The following PCDH15 variants were observed in gnomAD, a reference collection of about 807,000 sequenced individuals.
The protein encoded by PCDH15 is protocadherin-15.
In PCDH15, 129 loss-of-function variants were observed where a neutral mutation model predicts 178.5. That is an observed-to-expected ratio of 0.72 (90% confidence interval 0.63 to 0.84). The LOEUF (loss-of-function observed/expected upper bound fraction) is 0.84, where lower values mean the gene tolerates loss of function less well. PCDH15 is among the 40% of genes least tolerant of loss of function. The probability of loss-of-function intolerance (pLI) is 0.00; values close to 1 mark genes in which losing one functional copy is unlikely to be tolerated. For synonymous variants in PCDH15, 800 were observed against 732.0 expected (o/e 1.09, Z -1.50); for missense variants, 2,230 against 2,099.9 (o/e 1.06, Z -1.21).
At chr10:55,497,126 T>A (rs965159217) in intron 2 of PCDH15, among the ~76,000 whole-genome samples, 1 of 151,728 alleles carries the variant, frequency 6.6e-6, no homozygotes, top group African/African-American at 2.4e-5. Flanking sequence ...GAATACATCA[T>A]TTTACATGTA....
intron 37 of PCDH15, chr10:53,808,544 T>G (rs1433348533): frequency 2.1e-5 from 30 of 1,439,442 alleles, no homozygotes; most frequent in Non-Finnish European, 2.7e-5. Flanking sequence ...AACATATATA[T>G]TCACTTTTCT....
At chr10:54,340,622 A>T (rs1426020067) in intron 6 of PCDH15, among the ~76,000 whole-genome samples, 2 of 152,164 alleles carry the variant, frequency 1.3e-5, no homozygotes, top group African/African-American at 4.8e-5. Context: ...GCTTATTAAA[A>T]AGTTTTAGAG....
chr10:55,158,904 A>C (rs1224061383), intron 2 of PCDH15, among the ~76,000 whole-genome samples: 1 of 151,218 alleles, frequency 6.6e-6, no homozygotes, highest in African/African-American at 2.4e-5. Context: ...GAGAGAAAAA[A>C]CAAGAGCTCA....
In PCDH15 at chr10:54,600,146, C is replaced by T. The variant is rs558992537; in HGVS notation, c.91+64026G>A. ...GTGCCAGAGAAGAAGAAAGCTGAGT[C>T]CCTGGTAAAGGAGGAAGCCATGGAG... On this transcript the variant is annotated intron_variant, in intron 2 of 37. Transcript: ENST00000644397. 38 of 751,134 alleles carry T rather than the reference C, an allele frequency of 5.1e-5. No individual in the cohort carries two copies. In the African/African-American group the frequency reaches 6.0e-4, roughly 12 times the overall value. 46.5% of individuals were successfully genotyped at this position (751,134 alleles called of 1,614,324 possible). A position where few individuals can be genotyped will look rare whatever the true frequency, so the allele number is the denominator to read the frequency against.
At chr10:54,361,434 T>C (rs1454406750) in intron 5 of PCDH15, among the ~76,000 whole-genome samples, 1 of 152,070 alleles carries the variant, frequency 6.6e-6, no homozygotes, top group African/African-American at 2.4e-5. Flanking sequence ...GTCATCATCG[T>C]TCCTACCATT....
At chr10:54,120,658 TTAAAC>T (rs1224994213) in intron 15 of PCDH15, among the ~76,000 whole-genome samples, 2 of 151,402 alleles carry the variant, frequency 1.3e-5, no homozygotes, top group Non-Finnish European at 3.0e-5. Flanking sequence ...AAAACAGAGA[TTAAAC>T]TAACAACACT....
chr10:54,986,434 TTTCTC>T (rs1489453645), intron 2 of PCDH15, among the ~76,000 whole-genome samples: 4 of 152,212 alleles, frequency 2.6e-5, no homozygotes, highest in East Asian at 1.9e-4. Context: ...ATTTTGTACT[TTTCTC>T]TACTGAATTT....
chr10:54,566,457 T>G (rs1255100565), intron 2 of PCDH15, among the ~76,000 whole-genome samples: 2 of 152,154 alleles, frequency 1.3e-5, no homozygotes, highest in East Asian at 3.9e-4. Context: ...CAGACTTATT[T>G]TCACTGACCA....
intron 2 of PCDH15, among the ~76,000 whole-genome samples, chr10:55,425,921 T>C (rs1838744802): frequency 6.6e-6 from 1 of 152,206 alleles, no homozygotes; most frequent in Non-Finnish European, 1.5e-5. Flanking sequence ...TTGCTCTTAC[T>C]AACTGAAAGA....
At chr10:53,823,683 A>C in intron 32 of PCDH15, 1 of 473,656 alleles carries the variant, frequency 2.1e-6, no homozygotes, top group South Asian at 1.6e-5. Context: ...CACACGTAAC[A>C]GTTCCCTTAT....
At chr10:54,343,311 T>C (rs1247016344) in intron 6 of PCDH15, among the ~76,000 whole-genome samples, 2 of 152,102 alleles carry the variant, frequency 1.3e-5, no homozygotes, top group Non-Finnish European at 2.9e-5. Context: ...TGAGGTCTGA[T>C]GGTTTAATAG....
chr10:55,414,765 C>T (rs1289227703), intron 2 of PCDH15, among the ~76,000 whole-genome samples: 1 of 126,280 alleles, frequency 7.9e-6, no homozygotes, highest in Non-Finnish European at 1.7e-5. Context: ...TTATTTCTAA[C>T]AAGGGGTGTG....
At chr10:55,492,866 G>C (rs1442568705) in intron 2 of PCDH15, among the ~76,000 whole-genome samples, 1 of 151,510 alleles carries the variant, frequency 6.6e-6, no homozygotes, top group South Asian at 2.1e-4. Context: ...ATAAAGAGAG[G>C]AAAATTATAA....
chr10:53,822,817 C>A, intron 32 of PCDH15: 1 of 1,614,104 alleles, frequency 6.2e-7, no homozygotes, highest in Non-Finnish European at 8.5e-7. Context: ...CTTATTTCCT[C>A]TTTCTCTGTC....
In PCDH15 at chr10:55,517,239, C is replaced by T. The variant is rs570953512; in HGVS notation, c.-156+110386G>A. ...AACAGTTTACTTGTGAATTGGTCAA[C>T]ATTGATGTTTGTTGTTGTTTGCTTC... On this transcript the variant is annotated intron_variant, in intron 2 of 5. Coordinates refer to the PCDH15 transcript ENST00000613346. Among the ~76,000 whole-genome samples the T allele has an allele frequency of 3.5e-4, 53 of 152,022 alleles. 2 individuals are homozygous for T. The highest frequency in any genetic ancestry group is 6.6e-4 in the Non-Finnish European group (45 of 67,998).
At chr10:54,921,476 C>T (rs1301546528) in intron 2 of PCDH15, among the ~76,000 whole-genome samples, 10 of 151,978 alleles carry the variant, frequency 6.6e-5, no homozygotes, top group African/African-American at 2.4e-4. Context: ...GGTGCTCTCC[C>T]TCCTCCTTTC....
At chr10:54,108,116 A>G (rs985524192) in intron 15 of PCDH15, among the ~76,000 whole-genome samples, 11 of 152,166 alleles carry the variant, frequency 7.2e-5, no homozygotes, top group Non-Finnish European at 1.2e-4. Flanking sequence ...GAGTGGAGCA[A>G]GATGGTCCCC....
At chr10:55,481,552 T>C (rs993041970) in intron 2 of PCDH15, among the ~76,000 whole-genome samples, 5 of 151,882 alleles carry the variant, frequency 3.3e-5, no homozygotes, top group African/African-American at 1.2e-4. Flanking sequence ...CTCATTAGTT[T>C]CAAAGAAATT....
intron 2 of PCDH15, among the ~76,000 whole-genome samples, chr10:54,910,983 C>T (rs1467718435): frequency 1.3e-5 from 2 of 152,062 alleles, no homozygotes; most frequent in South Asian, 2.1e-4. Context: ...GAAACAAAGA[C>T]ATGTTGGAGA....
Sources: gnomAD v4.1 joint callset for allele counts (sites outside exome capture counted in the v4.1 genomes callset) on GRCh38, gnomAD v4.1.1 for gene constraint, MANE v1.5 for transcripts, NCBI Gene and HGNC (gene_info 2026-07-23, HGNC 2026-07-21) for gene names.